KCNIP4: variants seen among roughly 807,000 people sequenced by gnomAD.
KCNIP4 encodes potassium voltage-gated channel interacting protein 4.
In KCNIP4, 12 loss-of-function variants were observed where a neutral mutation model predicts 34.0. The ratio of observed to expected loss-of-function variants is 0.35; its 90% confidence interval spans 0.23 to 0.57. KCNIP4 has a LOEUF of 0.57. Ranked by LOEUF, KCNIP4 falls within the 20% of genes least tolerant of loss-of-function variation. The pLI is 0.83. For missense variants in KCNIP4, 238 were observed against 311.7 expected, an observed-to-expected ratio of 0.76 and a Z score of 1.78; for synonymous variants, 124 against 102.2, an observed-to-expected ratio of 1.21 and a Z score of -1.29.
chr4:21,701,028 TAA>T (rs1328349513), intron 1 of KCNIP4, among the ~76,000 whole-genome samples: 1 of 152,170 alleles, frequency 6.6e-6, no homozygotes, highest in African/African-American at 2.4e-5. Flanking sequence ...AATGAATGAA[TAA>T]AAAAATGTGG....
chr4:21,789,345 G>A (rs1487901025), intron 1 of KCNIP4, among the ~76,000 whole-genome samples: 1 of 152,080 alleles, frequency 6.6e-6, no homozygotes, highest in African/African-American at 2.4e-5. Flanking sequence ...CATCTCAGCT[G>A]ACAATTTATC....
intron 3 of KCNIP4, among the ~76,000 whole-genome samples, chr4:20,801,563 T>C (rs1714239827): frequency 6.6e-6 from 1 of 151,568 alleles, no homozygotes; most frequent in Non-Finnish European, 1.5e-5. Flanking sequence ...GGGTGGAGAG[T>C]AAAAGTCTAG....
At chr4:21,811,028 T>A (rs1232559810) in intron 1 of KCNIP4, among the ~76,000 whole-genome samples, 1 of 152,168 alleles carries the variant, frequency 6.6e-6, no homozygotes, top group African/African-American at 2.4e-5. Flanking sequence ...ACTCTTACTA[T>A]AAGGGACAGA....
At chr4:21,822,244 C>T (rs1722397599) in intron 1 of KCNIP4, among the ~76,000 whole-genome samples, 1 of 152,150 alleles carries the variant, frequency 6.6e-6, no homozygotes, top group Non-Finnish European at 1.5e-5. Flanking sequence ...TGGCAAAGAG[C>T]ATACTGGGAA....
intron 1 of KCNIP4, among the ~76,000 whole-genome samples, chr4:21,518,329 C>CT (rs1420709787): frequency 6.6e-6 from 1 of 152,124 alleles, no homozygotes; most frequent in Non-Finnish European, 1.5e-5. Context: ...CTTTCTTCTT[C>CT]TTTTTTTCTT....
intron 1 of KCNIP4, among the ~76,000 whole-genome samples, chr4:21,166,044 G>A (rs1363117611): frequency 6.6e-6 from 1 of 152,090 alleles, no homozygotes; most frequent in African/African-American, 2.4e-5. Flanking sequence ...CACTGAACCT[G>A]CAGACACCTT....
In KCNIP4 at chr4:21,180,768, T is replaced by G. The variant is rs143476489; in HGVS notation, c.62-298059A>C. On this transcript the variant is annotated intron_variant, in intron 1 of 8. Transcript: ENST00000382152. ...ATATATTTGTGTATATATGTGTACA[T>G]TTAGTATATATATTTGTATATACAT... Among the ~76,000 whole-genome samples, 937 of 151,134 alleles carry G rather than the reference T, an allele frequency of 6.2e-3. 10 individuals are homozygous for G. The highest frequency in any genetic ancestry group is 0.022 in the African/African-American group (890 of 41,312).
chr4:21,150,544 G>T (rs576254933), intron 1 of KCNIP4, among the ~76,000 whole-genome samples: 10 of 152,290 alleles, frequency 6.6e-5, no homozygotes, highest in African/African-American at 2.2e-4. Flanking sequence ...GATAGAGTTG[G>T]GTGATTATGT....
intron 1 of KCNIP4, among the ~76,000 whole-genome samples, chr4:20,923,404 G>T (rs1056571585): frequency 1.5e-4 from 23 of 152,146 alleles, no homozygotes; most frequent in Admixed American, 3.9e-4. Context: ...TCTTGAGAAT[G>T]AGGTATCTGC....
chr4:20,729,481 A>C lies in KCNIP4; in HGVS notation c.*601T>G, dbSNP rs1308482998. 8.4e-6 allele frequency: 1 copy of C among 119,260 alleles called. No individual in the cohort carries two copies. Among genetic ancestry groups the C allele is most frequent in the African/African-American group, 3.7e-5 (1 of 27,230 alleles). 7.4% of individuals were successfully genotyped at this position (119,260 alleles called of 1,614,324 possible). A position where few individuals can be genotyped will look rare whatever the true frequency, so the allele number is the denominator to read the frequency against. ...ATATCTGATAATAAACTAATTTTTA[A>C]ATGTTTAATAATTTTTAAATGTTTA... is the stretch of plus-strand genomic sequence containing the variant. On this transcript the variant is annotated 3_prime_UTR_variant, in exon 9 of 9. Transcript: ENST00000382152.
At chr4:20,737,891 G>A (rs1750033934) in intron 5 of KCNIP4, among the ~76,000 whole-genome samples, 1 of 152,224 alleles carries the variant, frequency 6.6e-6, no homozygotes, top group African/African-American at 2.4e-5. Flanking sequence ...CAGCACTTTG[G>A]GTGGTGGAGG....
intron 1 of KCNIP4, chr4:21,845,667 G>A (rs2109327310): frequency 6.6e-6 from 1 of 152,102 alleles, no homozygotes; most frequent in East Asian, 1.9e-4. Flanking sequence ...TATCAGTGAT[G>A]CAAGGTGAAA....
At position 21,272,688 on chromosome 4, in the gene KCNIP4, A is replaced by G. The variant is rs181045734; in HGVS notation, c.62-389979T>C. Among the ~76,000 whole-genome samples the G allele has an allele frequency of 2.0e-5, 3 of 152,288 alleles. No individual in the cohort carries two copies. The East Asian group carries it at 5.8e-4, about 29-fold the overall frequency. ...TATGCCTGTTTAATTCAGCTCAACAATTCACACCTTCATAAGCCATGACAC... is the reference window on the plus strand; with the variant it reads ...TATGCCTGTTTAATTCAGCTCAACAGTTCACACCTTCATAAGCCATGACAC... On this transcript the variant is annotated intron_variant, in intron 1 of 8. Transcript: ENST00000382152.
chr4:20,930,553 A>C (rs1358776543), intron 1 of KCNIP4, among the ~76,000 whole-genome samples: 1 of 152,108 alleles, frequency 6.6e-6, no homozygotes, highest in Non-Finnish European at 1.5e-5. Context: ...TAAAGGAATC[A>C]ATCAACCAAA....
intron 4 of KCNIP4, among the ~76,000 whole-genome samples, chr4:20,750,800 A>C (rs1410159446): frequency 6.6e-6 from 1 of 152,172 alleles, no homozygotes; most frequent in Admixed American, 6.5e-5. Flanking sequence ...TTCAAAATAA[A>C]ATGGTAACCT....
chr4:21,711,424 G>A (rs181372358), intron 1 of KCNIP4, among the ~76,000 whole-genome samples: 1 of 152,272 alleles, frequency 6.6e-6, no homozygotes, highest in African/African-American at 2.4e-5. Flanking sequence ...GTGAACTGCA[G>A]TGAACCAAGA....
chr4:21,340,180 G>T (rs1281489609), intron 1 of KCNIP4, among the ~76,000 whole-genome samples: 1 of 151,940 alleles, frequency 6.6e-6, no homozygotes, highest in African/African-American at 2.4e-5. Context: ...AAAATTTGGG[G>T]TCCATGCAAA....
intron 1 of KCNIP4, among the ~76,000 whole-genome samples, chr4:21,813,046 A>C (rs1721758239): frequency 6.6e-6 from 1 of 152,140 alleles, no homozygotes; most frequent in South Asian, 2.1e-4. Context: ...TACATCTTCT[A>C]ATGGCTTCTA....
chr4:21,184,701 G>C (rs1755089056), intron 1 of KCNIP4, among the ~76,000 whole-genome samples: 1 of 152,028 alleles, frequency 6.6e-6, no homozygotes, highest in Admixed American at 6.6e-5. Flanking sequence ...CCCACAATCA[G>C]GAAGAGAGAG....
Sources: gnomAD v4.1 joint callset for allele counts (sites outside exome capture counted in the v4.1 genomes callset) on GRCh38, gnomAD v4.1.1 for gene constraint, MANE v1.5 for transcripts, NCBI Gene and HGNC (gene_info 2026-07-23, HGNC 2026-07-21) for gene names.